Variants in BFSP2 observed in about 807,000 individuals in gnomAD.
BFSP2 encodes phakinin.
Under a neutral mutation model 44.9 loss-of-function variants are expected in BFSP2, and 38 were observed. That is an observed-to-expected ratio of 0.85 (90% confidence interval 0.65 to 1.11). BFSP2 has a LOEUF of 1.11. Among genes scored for constraint, BFSP2 ranks in the 50% least tolerant of loss-of-function variants. The pLI, the probability that BFSP2 is intolerant of heterozygous loss-of-function variation, is 0.00. For missense variants in BFSP2, 525 were observed against 533.0 expected, an observed-to-expected ratio of 0.99 and a Z score of 0.15; for synonymous variants, 197 against 209.9, an observed-to-expected ratio of 0.94 and a Z score of 0.53.
intron 1 of BFSP2, among the ~76,000 whole-genome samples, chr3:133,407,785 A>G (rs1226017809): frequency 6.6e-6 from 1 of 152,188 alleles, no homozygotes. Context: ...AGAGGGAAGG[A>G]TGGACTTTTT....
intron 1 of BFSP2, among the ~76,000 whole-genome samples, chr3:133,444,182 A>G (rs2073872363): frequency 2.0e-5 from 3 of 152,142 alleles, no homozygotes; most frequent in Non-Finnish European, 4.4e-5. Flanking sequence ...AGAAAAGTAA[A>G]GCAGGATCAG....
intron 1 of BFSP2, among the ~76,000 whole-genome samples, chr3:133,424,222 T>TGTGTGTGTGTGTGTGTGTGTGTGTGTG (rs1553778829): frequency 9.2e-6 from 1 of 108,990 alleles, no homozygotes; most frequent in Non-Finnish European, 1.8e-5. Context: ...ATTTTTTTTT[T>TGTGTGTGTGTGTGTGTGTGTGTGTGTG]TTTTTTTTTT....
At chr3:133,441,501 T>C (rs928452116) in intron 1 of BFSP2, among the ~76,000 whole-genome samples, 1 of 152,122 alleles carries the variant, frequency 6.6e-6, no homozygotes, top group African/African-American at 2.4e-5. Context: ...CACATCTACT[T>C]GGGGAATTGT....
At position 133,472,391 on chromosome 3, in the gene BFSP2, A is replaced by C; in HGVS notation, c.1070A>C (p.Asp357Ala). 1 of 1,614,056 alleles carries C rather than the reference A, an allele frequency of 6.2e-7. No individual in the cohort carries two copies. Among genetic ancestry groups the C allele is most frequent in the South Asian group, 1.1e-5 (1 of 91,088 alleles). Residue 357 changes from aspartate to alanine, a missense_variant, in exon 6 of 7, where the codon GAC becomes GCC. By Grantham distance (126) the Asp-to-Ala change is moderately radical. Coordinates refer to ENST00000302334, the MANE Select transcript of BFSP2 (RefSeq NM_003571.4). ...NTLHDAKHWH[D>A]MELQNLGAVV... ...TTGCACGATGCCAAGCACTGGCATG[A>C]CATGGAGCTCCAGAACCTGGGCGCT...
intron 1 of BFSP2, among the ~76,000 whole-genome samples, chr3:133,408,170 G>GT (rs1321381845): frequency 2.0e-5 from 3 of 151,910 alleles, no homozygotes; most frequent in Non-Finnish European, 4.4e-5. Context: ...AAAATTTGAG[G>GT]TTAAAAAAAG....
intron 1 of BFSP2, among the ~76,000 whole-genome samples, chr3:133,432,994 ACT>A (rs931252051): frequency 1.1e-3 from 164 of 151,404 alleles, no homozygotes; most frequent in African/African-American, 3.8e-3. Context: ...TGCTCAACTC[ACT>A]CTCTACATTT....
Position 133,462,003 on chromosome 3 carries a change from T to A in BFSP2, c.892-4825T>A, listed in dbSNP as rs550933575. On this transcript the variant is annotated intron_variant, in intron 4 of 6. Coordinates refer to ENST00000302334, the MANE Select transcript of BFSP2 (RefSeq NM_003571.4). Reference sequence around the variant, plus strand: ...AATTTTTTAGTTATCCTCTACCCACTGCAAGGGATACTGTTTCATTGGTTT... The same window carrying A: ...AATTTTTTAGTTATCCTCTACCCACAGCAAGGGATACTGTTTCATTGGTTT... Among the ~76,000 whole-genome samples the A allele has an allele frequency of 3.1e-4, 47 of 152,336 alleles. 2 individuals are homozygous for A. In the South Asian group the frequency reaches 9.3e-3, roughly 30 times the overall value.
intron 1 of BFSP2, among the ~76,000 whole-genome samples, chr3:133,425,764 T>TGGGAAAGGGAAA (rs1375103131): frequency 1.5e-5 from 2 of 137,922 alleles, no homozygotes; most frequent in East Asian, 4.3e-4. Flanking sequence ...GACAAAGGGA[T>TGGGAAAGGGAAA]GGGAAAGGGA....
In BFSP2 at chr3:133,475,006, C is replaced by T. The variant is rs1166798325; in HGVS notation, c.*34C>T. On this transcript the variant is annotated 3_prime_UTR_variant, in exon 7 of 7. Coordinates refer to ENST00000302334, the MANE Select transcript of BFSP2 (RefSeq NM_003571.4). Reference sequence around the variant, plus strand: ...CTTCCTCTTTTTCATGAAGAAAACACCCTTCCTCAACAGCTGACCCAAGAA... The same window carrying T: ...CTTCCTCTTTTTCATGAAGAAAACATCCTTCCTCAACAGCTGACCCAAGAA... 2 of 1,613,352 alleles carry T rather than the reference C, an allele frequency of 1.2e-6. No individual in the cohort carries two copies. The highest frequency in any genetic ancestry group is 3.3e-5 in the Admixed American group (2 of 60,004).
intron 1 of BFSP2, among the ~76,000 whole-genome samples, chr3:133,422,083 G>A (rs560160399): frequency 2.0e-4 from 23 of 116,084 alleles, no homozygotes; most frequent in African/African-American, 8.1e-4. Flanking sequence ...CTCCAGCCTG[G>A]CAACAAAGCG....
chr3:133,432,102 C>G (rs2073728089), intron 1 of BFSP2, among the ~76,000 whole-genome samples: 1 of 152,148 alleles, frequency 6.6e-6, no homozygotes, highest in South Asian at 2.1e-4. Flanking sequence ...CCTCTCAACG[C>G]CAATGTCCCA....
In BFSP2 at chr3:133,430,351, A is replaced by G. The variant is rs1015779761; in HGVS notation, c.490-16966A>G. Among the ~76,000 whole-genome samples the G allele has an allele frequency of 5.5e-4, 83 of 151,052 alleles. 1 individual carries two copies. The highest frequency in any genetic ancestry group is 1.1e-3 in the Non-Finnish European group (75 of 67,750). ...GCCACACTGACTTCCACAACGGTTG[A>G]ACTAGTTTACAGTCCCACCAACAGT... On this transcript the variant is annotated intron_variant, in intron 1 of 6. Coordinates refer to ENST00000302334, the MANE Select transcript of BFSP2 (RefSeq NM_003571.4).
intron 1 of BFSP2, among the ~76,000 whole-genome samples, chr3:133,418,669 T>G (rs1308420901): frequency 6.6e-6 from 1 of 152,194 alleles, no homozygotes; most frequent in East Asian, 1.9e-4. Context: ...GTGAGGCATG[T>G]CCCTGCTCAA....
rs534254115 is a variant in BFSP2 at position 133,441,039 on chromosome 3, C to CTTT, written c.490-6261_490-6259dup. On this transcript the variant is annotated intron_variant, in intron 1 of 6. Coordinates refer to ENST00000302334, the MANE Select transcript of BFSP2 (RefSeq NM_003571.4). ...CCCTAAATTCACTTTCAGATGCAAT[C>CTTT]TTTTTTTTTTTTTTTTTTTGAGGGA... Among the ~76,000 whole-genome samples, 412 of 127,254 alleles carry CTTT rather than the reference C, an allele frequency of 3.2e-3. 4 individuals are homozygous for CTTT. Among genetic ancestry groups the CTTT allele is most frequent in the African/African-American group, 5.5e-3 (188 of 33,888 alleles). 83.5% of individuals were successfully genotyped at this position (127,254 alleles called of 152,430 possible).
At chr3:133,473,880 A>T (rs2074189877) in intron 6 of BFSP2, among the ~76,000 whole-genome samples, 1 of 152,232 alleles carries the variant, frequency 6.6e-6, no homozygotes, top group African/African-American at 2.4e-5. Context: ...TCCTTTAATC[A>T]GTGAAGGAAA....
intron 1 of BFSP2, chr3:133,410,379 G>C (rs1406203634): frequency 3.3e-6 from 1 of 306,728 alleles, no homozygotes; most frequent in Non-Finnish European, 6.3e-6. Context: ...GCAGTAGTGG[G>C]AGCAGAAGAC....
chr3:133,404,572 C>T (rs548489071), intron 1 of BFSP2, among the ~76,000 whole-genome samples: 1 of 152,248 alleles, frequency 6.6e-6, no homozygotes, highest in African/African-American at 2.4e-5. Flanking sequence ...AATCATGGAG[C>T]GAGGCCTCTG....
intron 1 of BFSP2, among the ~76,000 whole-genome samples, chr3:133,431,147 T>C (rs1470117237): frequency 2.6e-5 from 4 of 151,950 alleles, no homozygotes; most frequent in African/African-American, 7.2e-5. Context: ...GCCGTCTTAT[T>C]CTCAATATAC....
At chr3:133,434,298 A>T (rs1418170993) in intron 1 of BFSP2, among the ~76,000 whole-genome samples, 1 of 152,054 alleles carries the variant, frequency 6.6e-6, no homozygotes, top group African/African-American at 2.4e-5. Flanking sequence ...CATCACCAAT[A>T]ATTCTACACG....
Sources: allele counts gnomAD v4.1 joint callset (sites outside exome capture counted in the v4.1 genomes callset), GRCh38; gene constraint gnomAD v4.1.1; transcripts MANE v1.5; gene names NCBI Gene and HGNC (gene_info 2026-07-23, HGNC 2026-07-21).